Variants in TBC1D5 observed in about 807,000 individuals in gnomAD.
The protein encoded by TBC1D5 is TBC1 domain family member 5, also known as TBC1 domain family, member 5.
In TBC1D5, 75 loss-of-function variants were observed where a neutral mutation model predicts 100.3. The ratio of observed to expected loss-of-function variants is 0.75; its 90% confidence interval spans 0.62 to 0.91. The LOEUF (loss-of-function observed/expected upper bound fraction) is 0.91, where lower values mean the gene tolerates loss of function less well. Among genes scored for constraint, TBC1D5 ranks in the 40% least tolerant of loss-of-function variants. TBC1D5 has a pLI of 0.00. For synonymous variants in TBC1D5, 323 were observed against 325.6 expected (o/e 0.99, Z 0.09); for missense variants, 910 against 942.4 (o/e 0.97, Z 0.45).
Position 17,166,900 on chromosome 3 carries a change from C to T in TBC1D5, c.1961G>A (p.Arg654His), listed in dbSNP as rs770540652. The change falls in exon 21 of 22, where the codon CGT becomes CAT. Residue 654 changes from arginine (R) to histidine (H), a missense_variant. Coordinates refer to ENST00000253692, the Ensembl canonical transcript of TBC1D5. ...GGCCTCTAGCTGGCTCTGGTTAAAA[C>T]GCAGGGAACCTTTTAGAATGTCTTT... The T allele has an allele frequency of 2.9e-5, 47 of 1,610,678 alleles. No individual in the cohort carries two copies. The highest frequency in any genetic ancestry group is 6.7e-5 in the African/African-American group (5 of 74,684).
intron 8 of TBC1D5, among the ~76,000 whole-genome samples, chr3:17,391,263 G>A (rs1046096118): frequency 6.6e-6 from 1 of 152,076 alleles, no homozygotes; most frequent in Admixed American, 6.6e-5. Flanking sequence ...TCTGAAGAAA[G>A]TATCTTCTGA....
chr3:17,318,479 T>C (rs1452170775), intron 13 of TBC1D5, among the ~76,000 whole-genome samples: 1 of 152,168 alleles, frequency 6.6e-6, no homozygotes, highest in Non-Finnish European at 1.5e-5. Context: ...TTAGAACCAC[T>C]TGGGGGAAAA....
At chr3:17,328,220 T>A (rs891671780) in intron 13 of TBC1D5, among the ~76,000 whole-genome samples, 40 of 151,592 alleles carry the variant, frequency 2.6e-4, no homozygotes, top group African/African-American at 8.7e-4. Flanking sequence ...CAGTGAGCCA[T>A]GAACAGGCCA....
At chr3:17,661,727 T>C (rs1490847815) in intron 1 of TBC1D5, among the ~76,000 whole-genome samples, 10 of 152,208 alleles carry the variant, frequency 6.6e-5, no homozygotes, top group African/African-American at 2.2e-4. Flanking sequence ...CTCGATCTCC[T>C]GACCTTGTAA....
intron 9 of TBC1D5, among the ~76,000 whole-genome samples, chr3:17,380,671 A>G (rs2092911175): frequency 6.6e-6 from 1 of 152,060 alleles, no homozygotes; most frequent in Non-Finnish European, 1.5e-5. Flanking sequence ...GTTGAAAATA[A>G]AGGTAACAAA....
intron 17 of TBC1D5, among the ~76,000 whole-genome samples, chr3:17,227,114 A>C (rs2074975011): frequency 6.6e-6 from 1 of 152,178 alleles, no homozygotes; most frequent in South Asian, 2.1e-4. Flanking sequence ...TAGGTAGCAA[A>C]AGCGAACACT....
intron 16 of TBC1D5, among the ~76,000 whole-genome samples, chr3:17,250,544 C>G (rs747228648): frequency 2.6e-5 from 4 of 152,218 alleles, no homozygotes; most frequent in Non-Finnish European, 5.9e-5. Context: ...GTTCACTGGG[C>G]TCCAGCCATA....
In TBC1D5 at chr3:17,398,700, G is replaced by A. The variant is rs1454529289; in HGVS notation, c.509+4481C>T. On this transcript the variant is annotated intron_variant, in intron 8 of 21. Coordinates refer to ENST00000253692, the Ensembl canonical transcript of TBC1D5. ...GATCTGGGCTAACACAAGAGCTCTTGTACATACTGCTTCTCTTAATGACAC... is the reference window on the plus strand; with the variant it reads ...GATCTGGGCTAACACAAGAGCTCTTATACATACTGCTTCTCTTAATGACAC... Among the ~76,000 whole-genome samples, 11 of 152,134 alleles carry A rather than the reference G, an allele frequency of 7.2e-5. No homozygotes were observed. In the East Asian group the frequency reaches 1.6e-3, roughly 21 times the overall value.
chr3:17,170,462 C>T (rs1173274729), intron 19 of TBC1D5, among the ~76,000 whole-genome samples: 1 of 152,162 alleles, frequency 6.6e-6, no homozygotes, highest in Non-Finnish European at 1.5e-5. Context: ...GGGGAATCTG[C>T]AGAAACCGAT....
intron 4 of TBC1D5, among the ~76,000 whole-genome samples, chr3:17,411,555 A>C (rs1446301): frequency 0.091 from 13,878 of 152,158 alleles, 1,433 homozygotes; most frequent in African/African-American, 0.26. Flanking sequence ...TGAAAACACA[A>C]AGTATTCCAG....
intron 16 of TBC1D5, among the ~76,000 whole-genome samples, chr3:17,251,156 C>A (rs1049319219): frequency 1.3e-5 from 2 of 152,076 alleles, no homozygotes; most frequent in Non-Finnish European, 1.5e-5. Context: ...CCCTGATAAC[C>A]CATATTATTC....
chr3:17,172,500 GCT>G (rs1246586462), intron 19 of TBC1D5, among the ~76,000 whole-genome samples: 30 of 152,206 alleles, frequency 2.0e-4, no homozygotes, highest in African/African-American at 6.5e-4. Flanking sequence ...TGCCATAAAG[GCT>G]CTTTCTCTTT....
intron 2 of TBC1D5, among the ~76,000 whole-genome samples, chr3:17,559,082 T>TTAAATAAATAAATAAA (rs10575585): frequency 6.3e-4 from 94 of 149,852 alleles, no homozygotes; most frequent in African/African-American, 2.0e-3. Flanking sequence ...TCTCTTTCTC[T>TTAAATAAATAAATAAA]TAAATAAATA....
intron 16 of TBC1D5, 27 bp from the exon 17 acceptor site, chr3:17,238,446 T>C: frequency 6.3e-7 from 1 of 1,594,430 alleles, no homozygotes; most frequent in South Asian, 1.1e-5. Context: ...TGGAGAAGCA[T>C]TATTTACATT....
At chr3:17,448,231 T>C (rs2094843696) in intron 3 of TBC1D5, among the ~76,000 whole-genome samples, 1 of 152,212 alleles carries the variant, frequency 6.6e-6, no homozygotes, top group African/African-American at 2.4e-5. Context: ...CCAGTTCTCT[T>C]GCTATTTCCT....
chr3:17,175,952 G>A (rs2067674106), intron 19 of TBC1D5, among the ~76,000 whole-genome samples: 1 of 152,202 alleles, frequency 6.6e-6, no homozygotes, highest in South Asian at 2.1e-4. Flanking sequence ...AAGCCCTTGA[G>A]CTACCTGTAG....
At chr3:17,542,184 G>A (rs2096365120) in intron 2 of TBC1D5, among the ~76,000 whole-genome samples, 2 of 152,064 alleles carry the variant, frequency 1.3e-5, no homozygotes, top group Admixed American at 1.3e-4. Context: ...CAGCTACTTG[G>A]GAAGCTCAGG....
intron 2 of TBC1D5, among the ~76,000 whole-genome samples, chr3:17,620,930 G>A (rs1467866556): frequency 1.3e-5 from 2 of 152,114 alleles, no homozygotes; most frequent in African/African-American, 4.8e-5. Context: ...ATACCCACAG[G>A]AATGAGTACA....
Position 17,264,873 on chromosome 3 carries a change from A to C in TBC1D5, c.1246-6282T>G, listed in dbSNP as rs548267846. Among the ~76,000 whole-genome samples the C allele has an allele frequency of 2.0e-5, 3 of 152,370 alleles. No homozygotes were observed. In the South Asian group the frequency reaches 6.2e-4, roughly 32 times the overall value. On this transcript the variant is annotated intron_variant, in intron 15 of 21. Coordinates refer to ENST00000253692, the Ensembl canonical transcript of TBC1D5. The stretch of plus-strand genomic sequence containing the variant: ...TACCACTGAGCACTGACAGACATGA[A>C]TCAGAGGGCAGGTCTGACAGTTTGA...
Sources: allele counts gnomAD v4.1 joint callset (sites outside exome capture counted in the v4.1 genomes callset), GRCh38; gene constraint gnomAD v4.1.1; transcripts MANE v1.5; gene names NCBI Gene and HGNC (gene_info 2026-07-23, HGNC 2026-07-21).